SRCIN1: variants seen among roughly 807,000 people sequenced by gnomAD.
SRCIN1 encodes P130Cas-associated protein.
SRCIN1 carries 50 observed loss-of-function variants against 116.2 expected under a neutral mutation model. That is an observed-to-expected ratio of 0.43 (90% CI 0.34 to 0.54). SRCIN1 has a LOEUF of 0.54. SRCIN1 is among the 20% of genes least tolerant of loss of function. The pLI is 0.02. For synonymous variants in SRCIN1, 736 were observed against 750.0 expected, an observed-to-expected ratio of 0.98 and a Z score of 0.30; for missense variants, 1,446 against 1,672.0, an observed-to-expected ratio of 0.86 and a Z score of 2.36.
rs1192736335 is a variant in SRCIN1, at chr17:38,563,562, T to A, written c.542-41A>T. ...CGCCCTCGCTGTCACTGCTGCCGTCTCCACGCCGCCCTCCAGGAGAGCGCG... is the reference window on the plus strand; with the variant it reads ...CGCCCTCGCTGTCACTGCTGCCGTCACCACGCCGCCCTCCAGGAGAGCGCG... On this transcript the variant is annotated intron_variant, in intron 4 of 18. Coordinates refer to ENST00000617146, the MANE Select transcript of SRCIN1 (RefSeq NM_025248.3). The surrounding 1 kb of genome is among the most constrained non-coding windows in gnomAD (Gnocchi z 5.8). 1 of 1,539,802 alleles carries A rather than the reference T, an allele frequency of 6.5e-7. No homozygotes were observed. Among genetic ancestry groups the A allele is most frequent in the South Asian group, 1.2e-5 (1 of 84,040 alleles).
chr17:38,592,285 G>A (rs1908485344), intron 1 of SRCIN1, among the ~76,000 whole-genome samples: 1 of 152,154 alleles, frequency 6.6e-6, no homozygotes, highest in Admixed American at 6.5e-5. Flanking sequence ...GGATGGGATC[G>A]GAAGCTGAGG....
chr17:38,590,955 G>T (rs1009751732), intron 1 of SRCIN1, among the ~76,000 whole-genome samples: 7 of 152,180 alleles, frequency 4.6e-5, no homozygotes, highest in South Asian at 2.1e-4. Context: ...AGTCCTCTTG[G>T]GGGGGCCTAT....
intron 1 of SRCIN1, among the ~76,000 whole-genome samples, chr17:38,603,661 G>A (rs1909192891): frequency 1.3e-5 from 2 of 152,154 alleles, no homozygotes; most frequent in Middle Eastern, 3.2e-3. Context: ...AAGGCAGGGT[G>A]GCAGGAAGCC....
At position 38,552,749 on chromosome 17, in the gene SRCIN1, C is replaced by T. The variant is rs749564500; in HGVS notation, c.2308G>A (p.Gly770Arg). 5.5e-5 allele frequency: 89 copies of T among 1,613,832 alleles called. No homozygotes were observed. In the South Asian group the frequency reaches 6.7e-4, roughly 12 times the overall value. ...CCCTTGAGCTCTGTCAGCGTCTCCC[C>T]GAGCTGCTTCAGCACCAGTGCCTTC... ...EEKALVLKQLGETLTELKAHF... is the reference protein window; with the variant it reads ...EEKALVLKQLRETLTELKAHF... Residue 770 changes from glycine to arginine, a missense_variant, in exon 12 of 19, where the codon GGG becomes AGG. Coordinates refer to ENST00000617146, the MANE Select transcript of SRCIN1 (RefSeq NM_025248.3). This position sits in a 1 kb window ranked among gnomAD's most constrained non-coding sequence, Gnocchi z 5.3.
chr17:38,567,666 G>A (rs951572668), intron 3 of SRCIN1, among the ~76,000 whole-genome samples: 6 of 152,094 alleles, frequency 3.9e-5, no homozygotes, highest in Non-Finnish European at 8.8e-5. Context: ...CAGAGCTCAG[G>A]AGGAGGCAAG....
chr17:38,596,002 C>G (rs1038458523), intron 1 of SRCIN1, among the ~76,000 whole-genome samples: 1 of 152,022 alleles, frequency 6.6e-6, no homozygotes, highest in Non-Finnish European at 1.5e-5. Flanking sequence ...CATCTGACTA[C>G]GGAGAGCTGG....
chr17:38,544,349 G>A lies in SRCIN1; in HGVS notation c.3271-380C>T, dbSNP rs1270415889. On this transcript the variant is annotated intron_variant, in intron 17 of 18. Coordinates refer to ENST00000617146, the MANE Select transcript of SRCIN1 (RefSeq NM_025248.3). This position sits in a 1 kb window ranked among gnomAD's most constrained non-coding sequence, Gnocchi z 4.5. ...CATCTGGACCTGGGTGCACATGCCA[G>A]CAAGGGGCTCTCTATAATGGCACAC... 6.6e-6 allele frequency among the ~76,000 whole-genome samples: 1 copy of A among 152,134 alleles called. No homozygotes were observed. The highest frequency in any genetic ancestry group is 2.4e-5 in the African/African-American group (1 of 41,440).
intron 17 of SRCIN1, 85 bp downstream of exon 17, chr17:38,548,472 T>C: frequency 6.5e-7 from 1 of 1,545,888 alleles, no homozygotes; most frequent in Non-Finnish European, 8.8e-7. Flanking sequence ...ATCTTCTGCC[T>C]CATCCTGTCA....
intron 1 of SRCIN1, among the ~76,000 whole-genome samples, chr17:38,588,294 G>A (rs1226137933): frequency 6.6e-6 from 1 of 152,212 alleles, no homozygotes; most frequent in Non-Finnish European, 1.5e-5. Context: ...GGGAAGGAAG[G>A]GGGCAGAGAT....
chr17:38,567,045 C>T (rs1448108378), intron 3 of SRCIN1, among the ~76,000 whole-genome samples: 1 of 152,128 alleles, frequency 6.6e-6, no homozygotes, highest in East Asian at 1.9e-4. Flanking sequence ...CAGCCTCAAT[C>T]TCCCATACTC....
At chr17:38,584,653 T>G (rs1908019655) in intron 1 of SRCIN1, among the ~76,000 whole-genome samples, 1 of 152,242 alleles carries the variant, frequency 6.6e-6, no homozygotes, top group Admixed American at 6.5e-5. Context: ...CTCCACCACA[T>G]TCTTTTACAT....
intron 17 of SRCIN1, chr17:38,546,479 G>C (rs2143047997): frequency 6.6e-6 from 1 of 152,476 alleles, no homozygotes; most frequent in Non-Finnish European, 1.5e-5. Flanking sequence ...GGGGGGTGCT[G>C]ACTGGGAAGG....
At chr17:38,599,748 G>A (rs899330050) in intron 1 of SRCIN1, among the ~76,000 whole-genome samples, 1 of 152,220 alleles carries the variant, frequency 6.6e-6, no homozygotes, top group African/African-American at 2.4e-5. Context: ...ACAGGATGAG[G>A]GCAGGGTGTC....
chr17:38,600,042 A>T (rs901672229), intron 1 of SRCIN1, among the ~76,000 whole-genome samples: 1 of 152,136 alleles, frequency 6.6e-6, no homozygotes, highest in African/African-American at 2.4e-5. Flanking sequence ...GGATGTTTTC[A>T]TCTGTTGTTT....
At chr17:38,543,614 G>A (rs1230840155) in intron 18 of SRCIN1, among the ~76,000 whole-genome samples, 1 of 151,550 alleles carries the variant, frequency 6.6e-6, no homozygotes. Flanking sequence ...GAGAACTCAT[G>A]TGCTAATCTA....
Position 38,551,361 on chromosome 17 carries a change from C to G in SRCIN1, c.2756G>C (p.Arg919Pro), listed in dbSNP as rs533688033. The G allele has an allele frequency of 2.5e-6, 4 of 1,613,068 alleles. No homozygotes were observed. The highest frequency in any genetic ancestry group is 2.7e-5 in the African/African-American group (2 of 75,010). Reference protein sequence around the residue: ...EAAERDWEEKRAALTQYSAKD... With the variant: ...EAAERDWEEKPAALTQYSAKD... ...GGCACTGTACTGGGTCAGGGCTGCC[C>G]GCTTCTCCTCCCAGTCTCGCTCTGC... The change falls in exon 15 of 19, where the codon CGG becomes CCG. Residue 919 changes from arginine (R) to proline (P), a missense_variant. Arg to Pro is a moderately radical substitution (Grantham distance 103). Coordinates refer to ENST00000617146, the MANE Select transcript of SRCIN1 (RefSeq NM_025248.3).
Position 38,558,196 on chromosome 17 carries a change from AC to A in SRCIN1, c.2201+30del, listed in dbSNP as rs1316146382. On this transcript the variant is annotated intron_variant, in intron 11 of 18. Coordinates refer to ENST00000617146, the MANE Select transcript of SRCIN1 (RefSeq NM_025248.3). This position sits in a 1 kb window ranked among gnomAD's most constrained non-coding sequence, Gnocchi z 4.6. ...TGCGGGTCACTCCAGCCGCACCCCC[AC>A]CCCTCCCTCCGCCGCGGGCCCAGCC... is the stretch of plus-strand genomic sequence containing the variant. 6.3e-7 allele frequency: 1 copy of A among 1,599,758 alleles called. No homozygotes were observed. The highest frequency in any genetic ancestry group is 8.5e-7 in the Non-Finnish European group (1 of 1,171,986).
intron 17 of SRCIN1, chr17:38,547,744 C>T: frequency 3.1e-6 from 1 of 325,924 alleles, no homozygotes; most frequent in Admixed American, 4.2e-5. Context: ...TGAGAAGTGG[C>T]AGCAGCCCCG....
chr17:38,563,879 A>G lies in SRCIN1; in HGVS notation c.541+239T>C. Reference sequence around the variant, plus strand: ...GGGAGAGAAGGGAGGGATGAAAGAAAGGGACAGAAAAGGAAGCAAGAGGGA... The same window carrying G: ...GGGAGAGAAGGGAGGGATGAAAGAAGGGGACAGAAAAGGAAGCAAGAGGGA... On this transcript the variant is annotated intron_variant, in intron 4 of 18. Transcript: ENST00000617146. The surrounding 1 kb of genome is among the most constrained non-coding windows in gnomAD (Gnocchi z 5.8). The G allele has an allele frequency of 1.6e-6, 1 of 610,950 alleles. No individual in the cohort carries two copies. The highest frequency in any genetic ancestry group is 2.9e-6 in the Non-Finnish European group (1 of 345,756). The allele number at this position is 610,950 out of a possible 1,614,324, so 37.8% of individuals were successfully genotyped here.
Sources: gnomAD v4.1 joint callset for allele counts (sites outside exome capture counted in the v4.1 genomes callset) on GRCh38, gnomAD v4.1.1 for gene constraint, Gnocchi (gnomAD v3.1) non-coding constraint, MANE v1.5 for transcripts, NCBI Gene and HGNC (gene_info 2026-07-23, HGNC 2026-07-21) for gene names.